HPSE2: variants seen among roughly 807,000 people sequenced by gnomAD.
The protein encoded by HPSE2 is inactive heparanase-2.
A neutral mutation model predicts 60.5 loss-of-function variants in HPSE2; 38 were observed. The ratio of observed to expected loss-of-function variants is 0.63; its 90% CI spans 0.48 to 0.82. The LOEUF (loss-of-function observed/expected upper bound fraction) is 0.82. HPSE2 is among the 40% of genes least tolerant of loss of function. HPSE2 has a pLI of 0.00. For missense variants in HPSE2, 713 were observed against 740.4 expected (o/e 0.96, Z 0.43); for synonymous variants, 295 against 293.2 (o/e 1.01, Z -0.06).
chr10:99,076,442 C>A (rs1426579874), intron 3 of HPSE2, among the ~76,000 whole-genome samples: 1 of 152,152 alleles, frequency 6.6e-6, no homozygotes, highest in Non-Finnish European at 1.5e-5. Flanking sequence ...GGCTGGAGAG[C>A]AGTGGTGTGA....
chr10:99,225,387 T>C (rs1382490889), intron 2 of HPSE2, among the ~76,000 whole-genome samples: 1 of 152,026 alleles, frequency 6.6e-6, no homozygotes, highest in African/African-American at 2.4e-5. Flanking sequence ...CCAGCTTCAG[T>C]GTCAAACAGA....
intron 2 of HPSE2, among the ~76,000 whole-genome samples, chr10:99,181,934 T>C (rs1369142770): frequency 6.6e-6 from 1 of 151,682 alleles, no homozygotes; most frequent in Non-Finnish European, 1.5e-5. Flanking sequence ...CAGGGACACT[T>C]GCTCACAGAG....
chr10:99,264,815 CT>C, the HPSE2 span, among the ~76,000 whole-genome samples: 74,835 of 151,730 alleles, frequency 0.49, 21,623 homozygotes, highest in Non-Finnish European at 0.64. Context: ...AGTATCACCC[CT>C]CACCCCAAAA....
At chr10:99,022,999 C>G (rs975080415) in intron 3 of HPSE2, among the ~76,000 whole-genome samples, 4 of 152,114 alleles carry the variant, frequency 2.6e-5, no homozygotes, top group Non-Finnish European at 4.4e-5. Context: ...TGTCTTGCAC[C>G]TTAGGTACCA....
chr10:98,916,652 C>T (rs1240695429), intron 3 of HPSE2, among the ~76,000 whole-genome samples: 3 of 152,322 alleles, frequency 2.0e-5, no homozygotes, highest in South Asian at 2.1e-4. Flanking sequence ...TCTGGTTCTG[C>T]TTACCATCTG....
chr10:99,121,624 T>C (rs1019255243), intron 3 of HPSE2, among the ~76,000 whole-genome samples: 2 of 152,196 alleles, frequency 1.3e-5, no homozygotes, highest in African/African-American at 4.8e-5. Flanking sequence ...TCAATTATTG[T>C]CTATTACACT....
At chr10:99,208,851 G>A (rs2133903467) in intron 2 of HPSE2, among the ~76,000 whole-genome samples, 2 of 152,202 alleles carry the variant, frequency 1.3e-5, no homozygotes, top group Admixed American at 1.3e-4. Context: ...AAGAGAAGAG[G>A]GGTAGCTATA....
intron 3 of HPSE2, among the ~76,000 whole-genome samples, chr10:98,801,252 A>G (rs760901685): frequency 6.6e-6 from 1 of 152,210 alleles, no homozygotes; most frequent in Non-Finnish European, 1.5e-5. Context: ...GGCTAGTATC[A>G]TACTGTACAG....
the HPSE2 span, among the ~76,000 whole-genome samples, chr10:99,314,927 C>T: frequency 6.6e-6 from 1 of 152,078 alleles, no homozygotes; most frequent in African/African-American, 2.4e-5. Context: ...GGTCTTTCTT[C>T]AATTTGGTTG....
At chr10:99,305,879 G>A in the HPSE2 span, among the ~76,000 whole-genome samples, 1 of 151,790 alleles carries the variant, frequency 6.6e-6, no homozygotes. Flanking sequence ...CTCAATGGAT[G>A]TGTGTAAAAA....
At chr10:98,484,680 T>C (rs1225875744) in intron 10 of HPSE2, among the ~76,000 whole-genome samples, 2 of 152,264 alleles carry the variant, frequency 1.3e-5, no homozygotes, top group Non-Finnish European at 2.9e-5. Flanking sequence ...AACTTTTATG[T>C]AGTCAAATTT....
intron 11 of HPSE2, among the ~76,000 whole-genome samples, chr10:98,462,013 A>G (rs1940312823): frequency 6.6e-6 from 1 of 152,196 alleles, no homozygotes; most frequent in South Asian, 2.1e-4. Context: ...AACTAGCTAG[A>G]TGGCTTTGGC....
At chr10:98,485,345 T>C (rs1941400809) in intron 10 of HPSE2, among the ~76,000 whole-genome samples, 1 of 152,192 alleles carries the variant, frequency 6.6e-6, no homozygotes, top group African/African-American at 2.4e-5. Context: ...GTCAGAAGAT[T>C]TTTTTTGCAT....
chr10:98,652,902 C>G (rs111460665), intron 6 of HPSE2, among the ~76,000 whole-genome samples: 214 of 152,268 alleles, frequency 1.4e-3, no homozygotes, highest in Admixed American at 2.7e-3. Flanking sequence ...AGCTGGTTTT[C>G]CAATCATTAG....
chr10:99,134,420 CA>C (rs1845564189), intron 3 of HPSE2, among the ~76,000 whole-genome samples: 1 of 152,110 alleles, frequency 6.6e-6, no homozygotes, highest in Non-Finnish European at 1.5e-5. Flanking sequence ...ACATTATCGT[CA>C]GATTCACCAA....
At chr10:99,147,533 A>G (rs1350055057) in intron 2 of HPSE2, among the ~76,000 whole-genome samples, 3 of 152,238 alleles carry the variant, frequency 2.0e-5, no homozygotes, top group African/African-American at 7.2e-5. Context: ...AGCAACAATT[A>G]CAACTGATAT....
intron 9 of HPSE2, among the ~76,000 whole-genome samples, chr10:98,541,116 T>C (rs1375137791): frequency 1.3e-5 from 2 of 152,216 alleles, no homozygotes; most frequent in Non-Finnish European, 2.9e-5. Context: ...CTTGTAGTTG[T>C]AAAAAGTTTT....
At chr10:98,902,252 A>T (rs780326501) in intron 3 of HPSE2, among the ~76,000 whole-genome samples, 2 of 152,196 alleles carry the variant, frequency 1.3e-5, no homozygotes, top group Non-Finnish European at 2.9e-5. Context: ...ATATGAATAA[A>T]GGTGCATTTG....
Position 98,968,384 on chromosome 10 carries a change from C to T in HPSE2, c.610+175854G>A, listed in dbSNP as rs535693415. On this transcript the variant is annotated intron_variant, in intron 3 of 11. Coordinates refer to ENST00000370552, the MANE Select transcript of HPSE2 (RefSeq NM_021828.5). ...TGGTGTGGGTGTGGTGAAAAGGGAA[C>T]ATTTTTAACTGCTGGTGGGAGTGTA... Among the ~76,000 whole-genome samples the T allele has an allele frequency of 3.3e-5, 5 of 152,184 alleles. No homozygotes were observed. The East Asian group carries it at 9.7e-4, about 29-fold the overall frequency.
Sources: allele counts gnomAD v4.1 joint callset (sites outside exome capture counted in the v4.1 genomes callset), GRCh38; gene constraint gnomAD v4.1.1; transcripts MANE v1.5; gene names NCBI Gene and HGNC (gene_info 2026-07-23, HGNC 2026-07-21).